Variants in CHD2 observed in about 807,000 individuals in gnomAD.
The protein encoded by CHD2 is ATP-dependent chromatin remodeler CHD2.
In CHD2, 28 loss-of-function variants were observed where a neutral mutation model predicts 243.9. The observed-to-expected ratio is 0.11, with a 90% confidence interval of 0.09 to 0.16. The LOEUF (loss-of-function observed/expected upper bound fraction) is 0.16. CHD2 is among the 10% of genes least tolerant of loss of function. The pLI, the probability that CHD2 is intolerant of heterozygous loss-of-function variation, is 1.00. For synonymous variants in CHD2, 775 were observed against 779.0 expected, an observed-to-expected ratio of 0.99 and a Z score of 0.09; for missense variants, 1,386 against 2,209.8, an observed-to-expected ratio of 0.63 and a Z score of 7.47.
chr15:92,912,255 A>G (rs577105143), intron 2 of CHD2, among the ~76,000 whole-genome samples: 14 of 152,286 alleles, frequency 9.2e-5, no homozygotes, highest in African/African-American at 3.4e-4. Context: ...GCCATGTAGT[A>G]GGTTTGAGGA....
intron 22 of CHD2, among the ~76,000 whole-genome samples, chr15:92,979,847 A>G (rs1193442936): frequency 6.6e-6 from 1 of 151,802 alleles, no homozygotes; most frequent in African/African-American, 2.4e-5. Flanking sequence ...GAACCCGGGA[A>G]GTGGAGCTTA....
At chr15:92,940,798 TATAA>T (rs1360725999) in intron 7 of CHD2, among the ~76,000 whole-genome samples, 5 of 136,514 alleles carry the variant, frequency 3.7e-5, no homozygotes, top group African/African-American at 5.2e-5. Context: ...TATATAAATA[TATAA>T]ATAAATATAA....
intron 7 of CHD2, among the ~76,000 whole-genome samples, chr15:92,940,991 A>T (rs1406773960): frequency 1.7e-5 from 2 of 116,598 alleles, no homozygotes; most frequent in Non-Finnish European, 3.3e-5. Context: ...AAATATATAT[A>T]TAAATATATA....
chr15:92,929,317 A>T (rs1247986273), intron 5 of CHD2, among the ~76,000 whole-genome samples: 3 of 152,080 alleles, frequency 2.0e-5, no homozygotes, highest in African/African-American at 7.2e-5. Flanking sequence ...CGTATACTCG[A>T]GCTTTTGCTT....
intron 35 of CHD2, among the ~76,000 whole-genome samples, chr15:93,010,667 G>A (rs1302820468): frequency 2.0e-5 from 3 of 152,088 alleles, no homozygotes; most frequent in Non-Finnish European, 2.9e-5. Flanking sequence ...TAGGTGATCC[G>A]CCCGCCTTGA....
chr15:92,905,058 T>G, intron 2 of CHD2: 1 of 1,451,582 alleles, frequency 6.9e-7, no homozygotes, highest in South Asian at 1.3e-5. Context: ...TGGGATAGTT[T>G]AGTAGAAAAT....
intron 3 of CHD2, 136 bp from the exon 4 acceptor site, chr15:92,927,108 T>C: frequency 1.5e-6 from 1 of 645,584 alleles, no homozygotes; most frequent in South Asian, 2.0e-5. Flanking sequence ...TGGCGCTTTA[T>C]TGTCTCATAA....
intron 20 of CHD2, 85 bp downstream of exon 20, chr15:92,975,035 A>C: frequency 9.0e-7 from 1 of 1,105,840 alleles, no homozygotes; most frequent in Non-Finnish European, 1.3e-6. Context: ...ATTCTGTTTC[A>C]GAAACAATTT....
At position 92,929,010 on chromosome 15, in the gene CHD2, T is replaced by C. The variant is rs2141755276; in HGVS notation, c.382-20T>C. 2 of 1,607,994 alleles carry C rather than the reference T, an allele frequency of 1.2e-6. No homozygotes were observed. Among genetic ancestry groups the C allele is most frequent in the Non-Finnish European group, 1.7e-6 (2 of 1,176,390 alleles). ...GTGAATTAAAGTCTGTAATCATTTT[T>C]CCCCCCTCACACACTGAAGGCAAGT... On this transcript the variant is annotated intron_variant, in intron 4 of 38. Coordinates refer to ENST00000394196, the MANE Select transcript of CHD2 (RefSeq NM_001271.4).
chr15:92,940,722 A>G lies in CHD2; in HGVS notation c.692+1004A>G, dbSNP rs183546370. On this transcript the variant is annotated intron_variant, in intron 7 of 38. Coordinates refer to ENST00000394196, the MANE Select transcript of CHD2 (RefSeq NM_001271.4). ...GATTGTTTTTCTTTCTTGTGACTCA[A>G]TCATTCATTGTTAATATGTGATAGG... Among the ~76,000 whole-genome samples the G allele has an allele frequency of 3.4e-5, 5 of 148,458 alleles. No individual in the cohort carries two copies. In the South Asian group the frequency reaches 6.3e-4, roughly 19 times the overall value.
chr15:92,914,367 T>C (rs1156405054), intron 2 of CHD2, among the ~76,000 whole-genome samples: 9 of 152,260 alleles, frequency 5.9e-5, no homozygotes, highest in Admixed American at 1.3e-4. Flanking sequence ...ATTAGGTAGG[T>C]ATTTGTGAAG....
At chr15:92,911,865 A>C (rs2052742837) in intron 2 of CHD2, among the ~76,000 whole-genome samples, 1 of 152,250 alleles carries the variant, frequency 6.6e-6, no homozygotes, top group Non-Finnish European at 1.5e-5. Flanking sequence ...TTGCATTTTA[A>C]AGAAGCAGAC....
chr15:92,956,268 C>G (rs1212264908), intron 15 of CHD2, among the ~76,000 whole-genome samples, 191 bp from the exon 16 acceptor site: 2 of 152,140 alleles, frequency 1.3e-5, no homozygotes, highest in African/African-American at 2.4e-5. Context: ...TGATGATACT[C>G]TCTTTTGAAT....
At chr15:92,932,989 C>G (rs574709513) in intron 5 of CHD2, among the ~76,000 whole-genome samples, 2 of 151,810 alleles carry the variant, frequency 1.3e-5, no homozygotes, top group Non-Finnish European at 2.9e-5. Flanking sequence ...GTGATCCACC[C>G]GCCTCAGCCT....
At position 93,016,865 on chromosome 15, in the gene CHD2, A is replaced by T. The variant is rs557554689; in HGVS notation, c.4906+1956A>T. 5.2e-4 allele frequency among the ~76,000 whole-genome samples: 79 copies of T among 152,116 alleles called. 1 individual carries two copies. The East Asian group carries it at 9.0e-3, about 17-fold the overall frequency. On this transcript the variant is annotated intron_variant, in intron 37 of 38. Transcript: ENST00000394196. ...ATTTTGGAAATTTGATTAGAAAAAA[A>T]CTCTGTGGAGCTTATCCATTGTTTT...
intron 22 of CHD2, among the ~76,000 whole-genome samples, 181 bp downstream of exon 22, chr15:92,979,464 C>A (rs569264877): frequency 6.6e-6 from 1 of 152,078 alleles, no homozygotes. Flanking sequence ...TTGCCCATCA[C>A]CCCCCTTCTT....
At chr15:92,910,702 G>C (rs967996904) in intron 2 of CHD2, among the ~76,000 whole-genome samples, 2 of 152,084 alleles carry the variant, frequency 1.3e-5, no homozygotes, top group Non-Finnish European at 2.9e-5. Flanking sequence ...GGTCCCTGCC[G>C]AGCATTTACT....
chr15:92,905,466 G>GT (rs1402875237), intron 2 of CHD2, among the ~76,000 whole-genome samples: 11 of 152,132 alleles, frequency 7.2e-5, no homozygotes, highest in South Asian at 4.1e-4. Flanking sequence ...CCATACTAGA[G>GT]TTTTTTTAGC....
chr15:92,912,417 C>T (rs917753837), intron 2 of CHD2, among the ~76,000 whole-genome samples: 4 of 152,180 alleles, frequency 2.6e-5, no homozygotes, highest in South Asian at 2.1e-4. Context: ...AGTGCAGTGG[C>T]GCAGTCTCGG....
Sources: gnomAD v4.1 joint callset for allele counts (sites outside exome capture counted in the v4.1 genomes callset) on GRCh38, gnomAD v4.1.1 for gene constraint, MANE v1.5 for transcripts, NCBI Gene and HGNC (gene_info 2026-07-23, HGNC 2026-07-21) for gene names.